The following SWAP70 variants were observed in gnomAD, a reference collection of about 807,000 sequenced individuals.
SWAP70 encodes switch-associated protein 70.
SWAP70 carries 34 observed loss-of-function variants against 80.2 expected under a neutral mutation model. The ratio of observed to expected loss-of-function variants is 0.42; its 90% CI spans 0.32 to 0.56. The LOEUF (loss-of-function observed/expected upper bound fraction) is 0.56, where lower values mean the gene tolerates loss of function less well. Ranked by LOEUF, SWAP70 falls within the 20% of genes least tolerant of loss-of-function variation. SWAP70 has a pLI of 0.09. For synonymous variants in SWAP70, 239 were observed against 238.5 expected, an observed-to-expected ratio of 1.00 and a Z score of -0.02; for missense variants, 578 against 690.7, an observed-to-expected ratio of 0.84 and a Z score of 1.83.
In SWAP70 at chr11:9,713,692, C is replaced by A. The variant is rs1358463052; in HGVS notation, c.414+53C>A. 2.6e-6 allele frequency: 4 copies of A among 1,548,022 alleles called. No individual in the cohort carries two copies. In the Admixed American group the frequency reaches 7.9e-5, roughly 30 times the overall value. On this transcript the variant is annotated intron_variant, in intron 3 of 11. Coordinates refer to ENST00000318950, the MANE Select transcript of SWAP70 (RefSeq NM_015055.4). ...TTGGTCATTTTAGCATTTAATAGAC[C>A]TGGCTTGGTATTTTTTCTGTTAATT...
intron 6 of SWAP70, among the ~76,000 whole-genome samples, chr11:9,730,879 G>A (rs893577512): frequency 1.3e-5 from 2 of 152,184 alleles, no homozygotes; most frequent in Non-Finnish European, 2.9e-5. Flanking sequence ...CTATCACCCA[G>A]GAAGTGAGCA....
At chr11:9,670,157 G>A (rs534515067) in intron 1 of SWAP70, among the ~76,000 whole-genome samples, 5 of 152,130 alleles carry the variant, frequency 3.3e-5, no homozygotes, top group African/African-American at 1.2e-4. Context: ...AGAAACCATT[G>A]CAATAGCCCC....
chr11:9,730,219 G>A (rs1004580351), intron 6 of SWAP70, among the ~76,000 whole-genome samples: 17 of 151,814 alleles, frequency 1.1e-4, no homozygotes, highest in African/African-American at 3.4e-4. Context: ...GGCCGAGTGC[G>A]GTGGCTCATG....
chr11:9,748,155 TAAG>T, intron 10 of SWAP70, 99 bp downstream of exon 10: 1 of 1,266,354 alleles, frequency 7.9e-7, no homozygotes, highest in Non-Finnish European at 1.1e-6. Context: ...GAAGCTGTAG[TAAG>T]AATCTTGCTT....
chr11:9,668,108 C>T (rs565914773), intron 1 of SWAP70, among the ~76,000 whole-genome samples: 1 of 152,250 alleles, frequency 6.6e-6, no homozygotes, highest in East Asian at 1.9e-4. Flanking sequence ...GGGCTCATCT[C>T]AAACTCCTGA....
intron 2 of SWAP70, among the ~76,000 whole-genome samples, chr11:9,709,219 G>T (rs1445392918): frequency 1.3e-5 from 2 of 152,018 alleles, no homozygotes; most frequent in Non-Finnish European, 2.9e-5. Flanking sequence ...CCACCTCCCA[G>T]GCTCAAGTGA....
At chr11:9,690,254 A>G (rs997330935) in intron 1 of SWAP70, among the ~76,000 whole-genome samples, 4 of 152,222 alleles carry the variant, frequency 2.6e-5, no homozygotes, top group African/African-American at 4.8e-5. Flanking sequence ...CCGGCCATCA[A>G]AAATTTTATT....
intron 2 of SWAP70, among the ~76,000 whole-genome samples, chr11:9,700,684 T>C (rs1850819965): frequency 6.6e-6 from 1 of 152,224 alleles, no homozygotes; most frequent in East Asian, 1.9e-4. Context: ...TTTCTTTAAC[T>C]GTACTATTGA....
chr11:9,685,820 G>A (rs559674955), intron 1 of SWAP70, among the ~76,000 whole-genome samples: 35 of 152,248 alleles, frequency 2.3e-4, no homozygotes, highest in Admixed American at 2.0e-3. Flanking sequence ...TTTTAGTAGA[G>A]ATGGGGTTTC....
rs1564837253 is a variant in SWAP70, at chr11:9,749,855, GC to G, written c.1652-7del. 2 of 1,574,852 alleles carry G rather than the reference GC, an allele frequency of 1.3e-6. No homozygotes were observed. The highest frequency in any genetic ancestry group is 8.7e-7 in the Non-Finnish European group (1 of 1,144,510). On this transcript the variant is annotated splice_region_variant and splice_polypyrimidine_tract_variant and intron_variant, in intron 11 of 11. Transcript: ENST00000318950. ...TACTTCCTGTATTTAAAGCATGTTT[GC>G]CTCTTAGGTTCAAAGAACCCTCACC... is the stretch of plus-strand genomic sequence containing the variant.
At chr11:9,664,522 A>G (rs2134407721) in intron 1 of SWAP70, among the ~76,000 whole-genome samples, 1 of 152,272 alleles carries the variant, frequency 6.6e-6, no homozygotes, top group Admixed American at 6.5e-5. Context: ...AGGGACTGGG[A>G]AGGGTGGCGG....
chr11:9,672,035 AAT>A (rs953593188), intron 1 of SWAP70, among the ~76,000 whole-genome samples: 2 of 121,484 alleles, frequency 1.6e-5, no homozygotes, highest in East Asian at 2.3e-4. Context: ...ATATTTTAAT[AAT>A]ATATTTTATA....
intron 9 of SWAP70, 47 bp downstream of exon 9, chr11:9,740,394 C>G (rs1214294040): frequency 1.9e-6 from 3 of 1,585,228 alleles, no homozygotes; most frequent in Non-Finnish European, 2.6e-6. Context: ...TTTGCCTGGG[C>G]TAATACAGTT....
intron 1 of SWAP70, among the ~76,000 whole-genome samples, chr11:9,688,495 G>T (rs1390726760): frequency 6.6e-6 from 1 of 152,172 alleles, no homozygotes; most frequent in Non-Finnish European, 1.5e-5. Flanking sequence ...GATGCAGTTA[G>T]TAAGCTTATT....
chr11:9,704,978 G>A (rs1850881737), intron 2 of SWAP70, among the ~76,000 whole-genome samples: 2 of 152,064 alleles, frequency 1.3e-5, no homozygotes, highest in Admixed American at 1.3e-4. Context: ...AAGATGATCT[G>A]TTCTCTCCCC....
intron 9 of SWAP70, 76 bp downstream of exon 9, chr11:9,740,423 T>G: frequency 7.0e-7 from 1 of 1,434,186 alleles, no homozygotes; most frequent in Non-Finnish European, 9.8e-7. Flanking sequence ...TGACTAACAC[T>G]CTGGTGGAGA....
At position 9,724,905 on chromosome 11, in the gene SWAP70, T is replaced by G. The variant is rs182625759; in HGVS notation, c.642+20T>G. The G allele has an allele frequency of 6.9e-7, 1 of 1,454,810 alleles. No individual in the cohort carries two copies. The highest frequency in any genetic ancestry group is 9.5e-7 in the Non-Finnish European group (1 of 1,053,678). The allele number at this position is 1,454,810 out of a possible 1,614,324, so 90.1% of individuals were successfully genotyped here. Reference sequence around the variant, plus strand: ...AAGCAGGTAAGAATTCTGTTACTGTTTTTTTTTCTCATCTTTAGAATTTGA... The same window carrying G: ...AAGCAGGTAAGAATTCTGTTACTGTGTTTTTTTCTCATCTTTAGAATTTGA... On this transcript the variant is annotated intron_variant, in intron 4 of 11. Coordinates refer to ENST00000318950, the MANE Select transcript of SWAP70 (RefSeq NM_015055.4).
In SWAP70 at chr11:9,705,155, C is replaced by T. The variant is rs1176275760; in HGVS notation, c.241-8311C>T. On this transcript the variant is annotated intron_variant, in intron 2 of 11. Coordinates refer to ENST00000318950, the MANE Select transcript of SWAP70 (RefSeq NM_015055.4). ...TCTGTATACACTGGTGATCTGTATG[C>T]ACTGGTGATATGTATATACTTGGTG... 2.5e-5 allele frequency among the ~76,000 whole-genome samples: 3 copies of T among 118,838 alleles called. No homozygotes were observed. In the Middle Eastern group the frequency reaches 0.015, roughly 577 times the overall value. 78.0% of individuals were successfully genotyped at this position (118,838 alleles called of 152,430 possible). A position where few individuals can be genotyped will look rare whatever the true frequency, so the allele number is the denominator to read the frequency against.
intron 3 of SWAP70, among the ~76,000 whole-genome samples, chr11:9,716,735 T>G (rs1162800660): frequency 6.6e-6 from 1 of 152,190 alleles, no homozygotes; most frequent in African/African-American, 2.4e-5. Context: ...AACATCCTTG[T>G]GGAGCTGTGC....
Sources: allele counts gnomAD v4.1 joint callset (sites outside exome capture counted in the v4.1 genomes callset), GRCh38; gene constraint gnomAD v4.1.1; transcripts MANE v1.5; gene names NCBI Gene and HGNC (gene_info 2026-07-23, HGNC 2026-07-21).